Variants in OSMR observed in about 807,000 individuals in gnomAD.
The protein encoded by OSMR is oncostatin M receptor.
In OSMR, 81 loss-of-function variants were observed where a neutral mutation model predicts 99.9. The observed-to-expected ratio is 0.81, with a 90% CI of 0.68 to 0.97. The LOEUF (loss-of-function observed/expected upper bound fraction) is 0.97. Among genes scored for constraint, OSMR ranks in the 50% least tolerant of loss-of-function variants. The pLI, the probability that OSMR is intolerant of heterozygous loss-of-function variation, is 0.00. For synonymous variants in OSMR, 406 were observed against 410.4 expected (o/e 0.99, Z 0.13); for missense variants, 1,099 against 1,153.4 (o/e 0.95, Z 0.68).
chr5:38,893,537 AT>A (rs1744293742), intron 7 of OSMR, among the ~76,000 whole-genome samples: 2 of 152,220 alleles, frequency 1.3e-5, no homozygotes, highest in Admixed American at 1.3e-4. Context: ...TCAAAATACA[AT>A]TTAAAGCTTT....
chr5:38,883,063 T>A (rs1331072629), intron 4 of OSMR, among the ~76,000 whole-genome samples: 2 of 152,130 alleles, frequency 1.3e-5, no homozygotes, highest in Non-Finnish European at 2.9e-5. Flanking sequence ...TCTGTAATTC[T>A]AGTACTTTGG....
intron 3 of OSMR, among the ~76,000 whole-genome samples, chr5:38,879,622 CTTTTTTTTT>C (rs1173567281): frequency 7.6e-6 from 1 of 131,256 alleles, no homozygotes; most frequent in East Asian, 2.2e-4. Flanking sequence ...ATATTTGCTC[CTTTTTTTTT>C]TTTTTTTTTT....
In OSMR at chr5:38,874,535, A is replaced by G. The variant is rs541620059; in HGVS notation, c.74-1666A>G. Among the ~76,000 whole-genome samples the G allele has an allele frequency of 4.5e-4, 69 of 152,312 alleles. 1 individual carries two copies. Among genetic ancestry groups the G allele is most frequent in the African/African-American group, 1.3e-3 (55 of 41,572 alleles). On this transcript the variant is annotated intron_variant, in intron 2 of 17. Transcript: ENST00000274276. ...CTACTATGTGGACCAATCACAAGAA[A>G]AACATCATGTTTGTCTTGTATCCAC...
chr5:38,907,887 A>T (rs555807626), intron 9 of OSMR, among the ~76,000 whole-genome samples: 2 of 152,252 alleles, frequency 1.3e-5, no homozygotes, highest in South Asian at 4.1e-4. Flanking sequence ...ATGTGTGCAC[A>T]TATCCCACTG....
intron 1 of OSMR, among the ~76,000 whole-genome samples, chr5:38,857,573 TG>T (rs1458213123): frequency 6.6e-5 from 10 of 152,214 alleles, no homozygotes; most frequent in Admixed American, 6.5e-4. Context: ...ATGTATACAT[TG>T]TATACTGATC....
At position 38,931,958 on chromosome 5, in the gene OSMR, G is replaced by A. The variant is rs376502104; in HGVS notation, c.2288G>A (p.Ser763Asn). ...LLIMVMCYLKSQWIKETCYPD... is the reference protein window; with the variant it reads ...LLIMVMCYLKNQWIKETCYPD... ...ATCATGGTCATGTGCTACTTGAAAA[G>A]TCAGTGGTAAGTGTGTGAGGAAGGT... The change falls in exon 16 of 18, where the codon AGT becomes AAT. Residue 763 changes from serine (S) to asparagine (N), a missense_variant. Physicochemically the swap from Ser to Asn is conservative, Grantham distance 46. Coordinates refer to ENST00000274276, the MANE Select transcript of OSMR (RefSeq NM_003999.3). The A allele has an allele frequency of 6.2e-7, 1 of 1,612,502 alleles. No individual in the cohort carries two copies. The highest frequency in any genetic ancestry group is 1.3e-5 in the African/African-American group (1 of 74,990).
intron 15 of OSMR, among the ~76,000 whole-genome samples, chr5:38,926,280 ACTG>A (rs1746470440): frequency 1.3e-5 from 2 of 152,162 alleles, no homozygotes; most frequent in Admixed American, 6.5e-5. Context: ...ATCCTGTTGG[ACTG>A]CTGACCCTGG....
In OSMR at chr5:38,924,467, A is replaced by G; in HGVS notation, c.1916A>G (p.His639Arg). ...GTGCTGGTGGATACATTGACATCCC[A>G]CTCCTTCACTCTGAGTTGGAAAGAT... is the stretch of plus-strand genomic sequence containing the variant. ...PHVLVDTLTS[H>R]SFTLSWKDYS... The change falls in exon 14 of 18, where the codon CAC becomes CGC. Residue 639 changes from histidine to arginine, a missense_variant. Coordinates refer to ENST00000274276, the MANE Select transcript of OSMR (RefSeq NM_003999.3). 6.2e-7 allele frequency: 1 copy of G among 1,613,636 alleles called. No individual in the cohort carries two copies. The highest frequency in any genetic ancestry group is 1.1e-5 in the South Asian group (1 of 91,072).
intron 7 of OSMR, chr5:38,886,413 C>T: frequency 7.8e-7 from 1 of 1,277,926 alleles, no homozygotes; most frequent in Non-Finnish European, 1.0e-6. Context: ...GCTTACTACC[C>T]AACTTCAAAA....
intron 2 of OSMR, 79 bp from the exon 3 acceptor site, chr5:38,876,122 T>C: frequency 1.3e-6 from 2 of 1,572,928 alleles, no homozygotes; most frequent in Non-Finnish European, 8.7e-7. Context: ...ATAATGATGA[T>C]ATTCAAGTTT....
At chr5:38,939,940 C>A (rs1426973641), downstream of OSMR, 1 of 226,282 alleles carries the variant, frequency 4.4e-6, no homozygotes, top group African/African-American at 2.2e-5. Context: ...TTTTTACAAA[C>A]AAGTACTCAA....
chr5:38,933,068 G>A lies in OSMR; in HGVS notation c.2564G>A (p.Cys855Tyr), dbSNP rs554878855. ...KNHSGPGPCI[C>Y]FENLTYNQAA... is the part of the protein sequence containing the mutation. ...CACTCTGGCCCTGGCCCCTGCATCT[G>A]TTTTGAGAACTTGACCTATAACCAG... The change falls in exon 18 of 18, where the codon TGT (cysteine) becomes TAT (tyrosine). Residue 855 changes from cysteine (C) to tyrosine (Y), a missense_variant. Cys to Tyr is a radical substitution (Grantham distance 194). Transcript: ENST00000274276. 5.0e-6 allele frequency: 8 copies of A among 1,614,188 alleles called. No homozygotes were observed. Among genetic ancestry groups the A allele is most frequent in the Non-Finnish European group, 6.8e-6 (8 of 1,180,038 alleles).
At chr5:38,848,569 C>G (rs961233787) in intron 1 of OSMR, among the ~76,000 whole-genome samples, 1 of 152,232 alleles carries the variant, frequency 6.6e-6, no homozygotes, top group African/African-American at 2.4e-5. Context: ...CCTCCTCCCA[C>G]TCAGAAGAGG....
In OSMR at chr5:38,869,132, G is replaced by T. The variant is rs1376736417; in HGVS notation, c.73+15G>T. 2 of 1,564,254 alleles carry T rather than the reference G, an allele frequency of 1.3e-6. No homozygotes were observed. The highest frequency in any genetic ancestry group is 1.7e-5 in the Admixed American group (1 of 59,976). ...CCAGAGTGAAGGTAAGAAGTGGAAG[G>T]AACAGTAAAGACAAAAATCACGTCG... On this transcript the variant is annotated intron_variant, in intron 2 of 17. Transcript: ENST00000274276.
intron 9 of OSMR, among the ~76,000 whole-genome samples, chr5:38,910,339 T>A (rs189445446): frequency 6.6e-6 from 1 of 152,110 alleles, no homozygotes; most frequent in African/African-American, 2.4e-5. Flanking sequence ...CTAACAAAGA[T>A]AGTAAGGACC....
chr5:38,889,348 A>G (rs1042753100), intron 7 of OSMR, among the ~76,000 whole-genome samples: 5 of 151,930 alleles, frequency 3.3e-5, no homozygotes, highest in Admixed American at 6.6e-5. Context: ...CTCTTGAATT[A>G]CTTTTATCCC....
At position 38,941,077 on chromosome 5, in the gene OSMR, TG is replaced by T. The variant is rs1457335752; in HGVS notation, c.75-3123del. ...ATTTTTATATACAAATTTGCATATA[TG>T]TTTAATTCCTGTAAAAAGTTCCAAA... is the stretch of plus-strand genomic sequence containing the variant. On this transcript the variant is annotated intron_variant and NMD_transcript_variant, in intron 1 of 2. Transcript: ENST00000508882. 1.7e-5 allele frequency: 4 copies of T among 232,918 alleles called. No individual in the cohort carries two copies. In the East Asian group the frequency reaches 1.8e-4, roughly 11 times the overall value. The allele number at this position is 232,918 out of a possible 1,614,324, so 14.4% of individuals were successfully genotyped here. A position where few individuals can be genotyped will look rare whatever the true frequency, so the allele number is the denominator to read the frequency against.
At chr5:38,860,893 G>T (rs371971608) in intron 1 of OSMR, among the ~76,000 whole-genome samples, 1 of 152,008 alleles carries the variant, frequency 6.6e-6, no homozygotes. Context: ...GGCTAGTCTC[G>T]AACTCCTGAC....
intron 7 of OSMR, among the ~76,000 whole-genome samples, chr5:38,902,915 G>A (rs898270111): frequency 1.3e-5 from 2 of 152,038 alleles, no homozygotes; most frequent in Admixed American, 6.5e-5. Context: ...TCTTTCCTCC[G>A]CCACAATCCA....
Sources: allele counts gnomAD v4.1 joint callset (sites outside exome capture counted in the v4.1 genomes callset), GRCh38; gene constraint gnomAD v4.1.1; transcripts MANE v1.5; gene names NCBI Gene and HGNC (gene_info 2026-07-23, HGNC 2026-07-21).